The following ZNF736 variants were observed in gnomAD, a reference collection of about 807,000 sequenced individuals.
ZNF736 encodes the protein zinc finger protein 736, also known as KRAB-containing zinc-finger repressor protein.
ZNF736 carries 6 observed loss-of-function variants against 11.7 expected under a neutral mutation model. The ratio of observed to expected loss-of-function variants is 0.51; its 90% CI spans 0.28 to 1.01. The LOEUF (loss-of-function observed/expected upper bound fraction) is 1.01. ZNF736 is among the 50% of genes least tolerant of loss of function. ZNF736 has a pLI of 0.09. For missense variants in ZNF736, 444 were observed against 496.0 expected (o/e 0.90, Z 1.00); for synonymous variants, 139 against 164.7 (o/e 0.84, Z 1.19).
In ZNF736 at chr7:64,333,830, A is replaced by G. The variant is rs1227620410; in HGVS notation, c.4-2429A>G. On this transcript the variant is annotated intron_variant, in intron 1 of 3. Coordinates refer to ENST00000423484, the MANE Select transcript of ZNF736 (RefSeq NM_001170905.3). ...TATGGAACCAAAAAAGAGCCCATAT[A>G]GTCAACACAGTCCTAAGCAAAAAGA... 2.0e-5 allele frequency among the ~76,000 whole-genome samples: 3 copies of G among 152,230 alleles called. No homozygotes were observed. The East Asian group carries it at 5.8e-4, about 29-fold the overall frequency.
At chr7:64,322,411 A>T (rs1789015525) in intron 1 of ZNF736, among the ~76,000 whole-genome samples, 1 of 152,200 alleles carries the variant, frequency 6.6e-6, no homozygotes. Flanking sequence ...TCATCTACAA[A>T]TAGAAATTAT....
chr7:64,329,788 C>T lies in ZNF736; in HGVS notation c.4-6471C>T, dbSNP rs7805066. Among the ~76,000 whole-genome samples, 1,269 of 148,654 alleles carry T rather than the reference C, an allele frequency of 8.5e-3. 9 individuals carry two copies. Among genetic ancestry groups the T allele is most frequent in the African/African-American group, 0.021 (857 of 40,352 alleles). ...AGCTACTACTGATGTTCACTCAAGACCCAAGTTCTCTTCAGTAGGTGGTGA... is the reference window on the plus strand; with the variant it reads ...AGCTACTACTGATGTTCACTCAAGATCCAAGTTCTCTTCAGTAGGTGGTGA... On this transcript the variant is annotated intron_variant, in intron 1 of 3. Transcript: ENST00000423484.
chr7:64,341,014 G>A (rs621748), intron 3 of ZNF736, among the ~76,000 whole-genome samples: 148,366 of 152,124 alleles, frequency 0.98, 72,425 homozygotes, highest in Non-Finnish European at 1. Context: ...TACATATTCC[G>A]TGTTGATGTT....
intron 1 of ZNF736, among the ~76,000 whole-genome samples, chr7:64,315,411 C>G (rs1050178761): frequency 6.6e-6 from 1 of 151,576 alleles, no homozygotes; most frequent in East Asian, 1.9e-4. Flanking sequence ...AAACCAGATT[C>G]AATATTTGAT....
chr7:64,346,715 C>T (rs1458978161), intron 3 of ZNF736, among the ~76,000 whole-genome samples: 1 of 151,804 alleles, frequency 6.6e-6, no homozygotes, highest in Non-Finnish European at 1.5e-5. Context: ...TCTTGATTTT[C>T]TTATATTTTT....
At chr7:64,331,405 C>G (rs1040295532) in intron 1 of ZNF736, among the ~76,000 whole-genome samples, 2 of 152,184 alleles carry the variant, frequency 1.3e-5, no homozygotes, top group Admixed American at 1.3e-4. Context: ...GATTTTCTCT[C>G]TCTGCTGAGC....
intron 1 of ZNF736, among the ~76,000 whole-genome samples, chr7:64,328,232 A>G (rs1397565256): frequency 2.8e-5 from 4 of 141,434 alleles, no homozygotes; most frequent in Non-Finnish European, 6.0e-5. Flanking sequence ...AAAATCTCTC[A>G]GCTTGTTTGT....
chr7:64,330,330 G>C (rs1789146245), intron 1 of ZNF736, among the ~76,000 whole-genome samples: 1 of 151,972 alleles, frequency 6.6e-6, no homozygotes, highest in South Asian at 2.1e-4. Context: ...TAATTTTTTT[G>C]TATTTTTTAG....
intron 3 of ZNF736, chr7:64,337,435 T>C (rs2618262): frequency 0.92 from 146,831 of 160,446 alleles, 67,314 homozygotes; most frequent in Non-Finnish European, 0.94. Flanking sequence ...ATCCCAGGAA[T>C]ACCACAAAAA....
rs1448642218 is a variant in ZNF736, at chr7:64,336,296, C to T, written c.41C>T (p.Ser14Phe). The T allele has an allele frequency of 1.2e-6, 2 of 1,613,192 alleles. No homozygotes were observed. Among genetic ancestry groups the T allele is most frequent in the Non-Finnish European group, 1.7e-6 (2 of 1,179,614 alleles). ...LTFRDVAVEF[S>F]PEEWECLDSA... ...TTCAGGGATGTGGCTGTAGAATTCT[C>T]CCCAGAAGAGTGGGAATGCCTGGAC... The change falls in exon 2 of 4, where the codon TCC (serine) becomes TTC (phenylalanine). Residue 14 changes from serine (S) to phenylalanine (F), a missense_variant. Physicochemically the swap from Ser to Phe is radical, Grantham distance 155 (BLOSUM62 -2). Coordinates refer to ENST00000423484, the MANE Select transcript of ZNF736 (RefSeq NM_001170905.3).
intron 3 of ZNF736, among the ~76,000 whole-genome samples, chr7:64,340,386 G>C (rs1789320529): frequency 6.6e-6 from 1 of 151,876 alleles, no homozygotes; most frequent in East Asian, 1.9e-4. Flanking sequence ...AGGAGCTGGA[G>C]ATGGTTATGG....
intron 3 of ZNF736, among the ~76,000 whole-genome samples, chr7:64,338,327 C>T (rs1789288566): frequency 6.6e-6 from 1 of 152,146 alleles, no homozygotes; most frequent in Non-Finnish European, 1.5e-5. Flanking sequence ...TGAACAAACA[C>T]ATTTATGACC....
rs1789440454 is a variant in ZNF736, at chr7:64,348,426, T to C, written c.563T>C (p.Phe188Ser). The change falls in exon 4 of 4, where the codon TTT becomes TCT. Residue 188 changes from phenylalanine to serine, a missense_variant. Physicochemically the swap from Phe to Ser is radical, Grantham distance 155. Transcript: ENST00000423484. ...AAAGACTGTAGGTTGTTCTCAGATT[T>C]TACTAGACATAAGAAAATTCATACT... is the stretch of plus-strand genomic sequence containing the variant. ...CGKDCRLFSD[F>S]TRHKKIHTVE... The C allele has an allele frequency of 1.9e-6, 3 of 1,550,390 alleles. No homozygotes were observed. In the Admixed American group the frequency reaches 5.9e-5, roughly 30 times the overall value.
Position 64,348,160 on chromosome 7 carries a change from T to A in ZNF736, c.297T>A (p.Ile99=). The change falls in exon 4 of 4, where the codon ATT becomes ATA. Residue 99 remains isoleucine (I), a synonymous_variant. Transcript: ENST00000423484. ...TAAAAGATTCATTTCAAAAAGTGAT[T>A]CTGAGAAAATATGGAAGCTGTGACC... The part of the protein sequence containing the change: ...HDIKDSFQKV[I]LRKYGSCDLN... 6.5e-7 allele frequency: 1 copy of A among 1,549,534 alleles called. No individual in the cohort carries two copies. Among genetic ancestry groups the A allele is most frequent in the Non-Finnish European group, 8.7e-7 (1 of 1,146,454 alleles).
At chr7:64,345,301 C>T (rs1398500076) in intron 3 of ZNF736, among the ~76,000 whole-genome samples, 4 of 150,996 alleles carry the variant, frequency 2.6e-5, no homozygotes, top group Non-Finnish European at 5.9e-5. Flanking sequence ...GGATTACAGG[C>T]GTGAACCACT....
In ZNF736 at chr7:64,351,110, A is replaced by C. The variant is rs1280451336; in HGVS notation, c.*1963A>C. On this transcript the variant is annotated 3_prime_UTR_variant, in exon 4 of 4. Coordinates refer to ENST00000423484, the MANE Select transcript of ZNF736 (RefSeq NM_001170905.3). ...CTTGGGGCAGGATACTGGCCAGTAA[A>C]GGTTTTGATGCCTTCTCTGTGCCCC... The C allele has an allele frequency of 6.6e-6, 1 of 152,446 alleles. No individual in the cohort carries two copies. Among genetic ancestry groups the C allele is most frequent in the Non-Finnish European group, 1.5e-5 (1 of 68,334 alleles). 9.4% of individuals were successfully genotyped at this position (152,446 alleles called of 1,614,324 possible).
At chr7:64,326,824 TTTTAA>T (rs1360871232) in intron 1 of ZNF736, among the ~76,000 whole-genome samples, 1 of 152,166 alleles carries the variant, frequency 6.6e-6, no homozygotes, top group Non-Finnish European at 1.5e-5. Context: ...CAGGAGCATA[TTTTAA>T]TTTCTCTGTG....
chr7:64,332,322 C>T (rs965936061), intron 1 of ZNF736, among the ~76,000 whole-genome samples: 6 of 152,090 alleles, frequency 3.9e-5, no homozygotes, highest in African/African-American at 1.4e-4. Flanking sequence ...CCAGGGGTGA[C>T]ATCACATATT....
intron 3 of ZNF736, among the ~76,000 whole-genome samples, chr7:64,345,709 G>A (rs1176065636): frequency 1.7e-5 from 2 of 118,524 alleles, no homozygotes; most frequent in Non-Finnish European, 3.2e-5. Context: ...ACTCCAGCCT[G>A]GTGACAGAGC....
Sources: allele counts gnomAD v4.1 joint callset (sites outside exome capture counted in the v4.1 genomes callset), GRCh38; gene constraint gnomAD v4.1.1; transcripts MANE v1.5; gene names NCBI Gene and HGNC (gene_info 2026-07-23, HGNC 2026-07-21).